The following TENM1 variants were observed in gnomAD, a reference collection of about 807,000 sequenced individuals.
TENM1 encodes the protein teneurin-1.
In TENM1, 35 loss-of-function variants were observed where a neutral mutation model predicts 174.8. That is an observed-to-expected ratio of 0.20 (90% confidence interval 0.15 to 0.27). The LOEUF is 0.27. Ranked by LOEUF, TENM1 falls within the 10% of genes least tolerant of loss-of-function variation. The pLI is 1.00. For synonymous variants in TENM1, 781 were observed against 798.7 expected (o/e 0.98, Z 0.37); for missense variants, 1,633 against 2,130.1 (o/e 0.77, Z 4.59).
chrX:124,744,485 G>T (rs1221518430), intron 3 of TENM1, among the ~76,000 whole-genome samples: 1 of 111,816 alleles, frequency 8.9e-6, no homozygotes, highest in African/African-American at 3.2e-5. Flanking sequence ...TTTCACTATA[G>T]CCTTGAAAGA....
At chrX:124,413,037 G>A (rs976474740) in intron 25 of TENM1, among the ~76,000 whole-genome samples, 4 of 111,885 alleles carry the variant, frequency 3.6e-5, no homozygotes, top group Non-Finnish European at 7.5e-5. Context: ...TCTACTGGGG[G>A]ACCAGCATTG....
At chrX:124,444,930 A>G (rs2060949710) in intron 23 of TENM1, among the ~76,000 whole-genome samples, 1 of 111,713 alleles carries the variant, frequency 9.0e-6, no homozygotes, top group Non-Finnish European at 1.9e-5. Context: ...TAATTTGGTG[A>G]AAATAATGTG....
intron 22 of TENM1, among the ~76,000 whole-genome samples, chrX:124,477,470 G>C (rs1322429833): frequency 8.9e-6 from 1 of 111,905 alleles, no homozygotes; most frequent in Non-Finnish European, 1.9e-5. Context: ...AGAGATCATA[G>C]ATTTTAGCAG....
the TENM1 span, among the ~76,000 whole-genome samples, chrX:125,050,239 CCA>C: frequency 9.1e-6 from 1 of 109,343 alleles, no homozygotes; most frequent in African/African-American, 3.3e-5. Flanking sequence ...TATACATGTG[CCA>C]CATTGGTGTG....
chrX:125,150,756 A>G, the TENM1 span, among the ~76,000 whole-genome samples: 1 of 112,750 alleles, frequency 8.9e-6, no homozygotes, highest in Non-Finnish European at 1.9e-5. Context: ...TTTATTCATA[A>G]AAGATTGGGT....
At chrX:124,768,727 C>T (rs899421182) in intron 3 of TENM1, among the ~76,000 whole-genome samples, 1 of 112,399 alleles carries the variant, frequency 8.9e-6, no homozygotes, top group Admixed American at 9.5e-5. Flanking sequence ...TGCAAAACAT[C>T]TGAACCAATG....
chrX:124,825,951 T>C (rs897458186), intron 3 of TENM1, among the ~76,000 whole-genome samples: 1 of 112,378 alleles, frequency 8.9e-6, no homozygotes, highest in Non-Finnish European at 1.9e-5. Flanking sequence ...ACACTATCGG[T>C]TGTAACATAA....
intron 3 of TENM1, among the ~76,000 whole-genome samples, chrX:124,847,778 A>G (rs963561826): frequency 2.8e-4 from 31 of 111,923 alleles, no homozygotes; most frequent in Admixed American, 2.7e-3. Flanking sequence ...GTTAGGATTG[A>G]GCCTTAAGAT....
At chrX:124,477,565 A>T (rs1249529419) in intron 22 of TENM1, among the ~76,000 whole-genome samples, 1 of 110,777 alleles carries the variant, frequency 9.0e-6, no homozygotes, top group Non-Finnish European at 1.9e-5. Flanking sequence ...CAGTCTGACC[A>T]ACATGGTGAA....
At chrX:124,928,061 A>C (rs2147705225) in intron 1 of TENM1, among the ~76,000 whole-genome samples, 1 of 112,087 alleles carries the variant, frequency 8.9e-6, no homozygotes, top group South Asian at 3.7e-4. Flanking sequence ...GCAGGTGAAA[A>C]CCTAAGTGTA....
chrX:124,587,037 G>C (rs762902678), intron 11 of TENM1, among the ~76,000 whole-genome samples: 11 of 109,620 alleles, frequency 1.0e-4, no homozygotes, highest in African/African-American at 3.3e-4. Context: ...GGAAATAAAA[G>C]AGGATACAAA....
At chrX:124,953,770 A>C (rs6649305) in intron 1 of TENM1, among the ~76,000 whole-genome samples, 2,267 of 112,097 alleles carry the variant, frequency 0.02, 59 homozygotes, top group African/African-American at 0.069. Context: ...TCCTCAAAAG[A>C]AATACACAAT....
intron 3 of TENM1, 114 bp downstream of exon 6, chrX:124,894,182 G>T: frequency 1.9e-6 from 1 of 522,928 alleles, no homozygotes; most frequent in South Asian, 3.0e-5. Flanking sequence ...CAGGTTCATT[G>T]AGCAGGCTTG....
At chrX:125,023,641 C>T in the TENM1 span, among the ~76,000 whole-genome samples, 1 of 110,450 alleles carries the variant, frequency 9.1e-6, no homozygotes, top group Non-Finnish European at 1.9e-5. Context: ...CTTCTGTGGA[C>T]AGGACCATGG....
At chrX:124,616,779 T>C (rs1315664077) in intron 11 of TENM1, among the ~76,000 whole-genome samples, 1 of 111,868 alleles carries the variant, frequency 8.9e-6, no homozygotes, top group Non-Finnish European at 1.9e-5. Context: ...TAAATAGCTA[T>C]AGAATGGATC....
intron 3 of TENM1, among the ~76,000 whole-genome samples, chrX:124,739,606 T>C (rs1004582168): frequency 1.9e-4 from 21 of 112,310 alleles, no homozygotes; most frequent in African/African-American, 6.2e-4. Context: ...CAGCACTCTT[T>C]CCATTATGCT....
chrX:124,662,484 T>G (rs1026703151), intron 6 of TENM1, among the ~76,000 whole-genome samples: 13 of 108,193 alleles, frequency 1.2e-4, no homozygotes, highest in Non-Finnish European at 2.1e-4. Context: ...AAAGTCTCTC[T>G]TCTTTTGAAA....
At chrX:124,721,408 T>C (rs1408839035) in intron 4 of TENM1, among the ~76,000 whole-genome samples, 1 of 112,042 alleles carries the variant, frequency 8.9e-6, no homozygotes, top group African/African-American at 3.2e-5. Flanking sequence ...AGATTCATAT[T>C]TAAGAATGAT....
At chrX:124,717,489 C>T (rs912246723) in intron 4 of TENM1, among the ~76,000 whole-genome samples, 3 of 111,612 alleles carry the variant, frequency 2.7e-5, no homozygotes, top group African/African-American at 9.8e-5. Context: ...TATAGGGGAA[C>T]AGACAAAGAA....
Sources: gnomAD v4.1 joint callset for allele counts (sites outside exome capture counted in the v4.1 genomes callset) on GRCh38, gnomAD v4.1.1 for gene constraint, MANE v1.5 for transcripts, NCBI Gene and HGNC (gene_info 2026-07-23, HGNC 2026-07-21) for gene names.